Variants in LILRA2 observed in about 807,000 individuals in gnomAD.
The protein encoded by LILRA2 is leukocyte immunoglobulin-like receptor subfamily A member 2.
A neutral mutation model predicts 47.9 loss-of-function variants in LILRA2; 45 were observed. That is an observed-to-expected ratio of 0.94 (90% CI 0.74 to 1.20). The LOEUF is 1.20. Ranked by LOEUF, LILRA2 falls within the 50% of genes most tolerant of loss-of-function variation. LILRA2 has a pLI of 0.00. For synonymous variants in LILRA2, 279 were observed against 249.2 expected (o/e 1.12, Z -1.13); for missense variants, 651 against 598.2 (o/e 1.09, Z -0.92).
At chr19:54,579,240 A>G (rs1281138839) in intron 6 of LILRA2, among the ~76,000 whole-genome samples, 3 of 152,148 alleles carry the variant, frequency 2.0e-5, no homozygotes. Flanking sequence ...TTATGGTGTT[A>G]GGTCTTACAT....
Position 54,589,049 on chromosome 19 carries a change from G to T in LILRA2, c.*1703G>T, listed in dbSNP as rs1276266553. On this transcript the variant is annotated 3_prime_UTR_variant, in exon 8 of 8. Transcript: ENST00000391738. The stretch of plus-strand genomic sequence containing the variant: ...TTGGGGCAGCATCCCACCAGTTTCT[G>T]CCTCCATCTTCTCAATGCTTACACC... 4 of 152,078 alleles carry T rather than the reference G, an allele frequency of 2.6e-5. No individual in the cohort carries two copies. Among genetic ancestry groups the T allele is most frequent in the African/African-American group, 9.7e-5 (4 of 41,366 alleles). 9.4% of individuals were successfully genotyped at this position (152,078 alleles called of 1,614,324 possible). A position where few individuals can be genotyped will look rare whatever the true frequency, so the allele number is the denominator to read the frequency against.
chr19:54,575,911 T>C lies in LILRA2; in HGVS notation c.1057T>C (p.Phe353Leu), dbSNP rs1024233838. The change falls in exon 6 of 8, where the codon TTC becomes CTC. Residue 353 changes from phenylalanine to leucine, a missense_variant. By Grantham distance (22) the Phe-to-Leu change is conservative (BLOSUM62 0). Coordinates refer to ENST00000391738, the MANE Select transcript of LILRA2 (RefSeq NM_001130917.3). ...TCAGTCACGGGGGCAGTTCCACACTTTCCTTCTGACCAAGGAGGGGGCAGG... is the reference window on the plus strand; with the variant it reads ...TCAGTCACGGGGGCAGTTCCACACTCTCCTTCTGACCAAGGAGGGGGCAGG... ...LCQSRGQFHTFLLTKEGAGHP... is the reference protein window; with the variant it reads ...LCQSRGQFHTLLLTKEGAGHP... 3.1e-6 allele frequency: 5 copies of C among 1,613,734 alleles called. No homozygotes were observed. The highest frequency in any genetic ancestry group is 4.2e-6 in the Non-Finnish European group (5 of 1,179,864).
chr19:54,574,101 C>G lies in LILRA2; in HGVS notation c.60C>G (p.His20Gln), dbSNP rs146810027. The change falls in exon 2 of 8, where the codon CAC (histidine) becomes CAG (glutamine). Residue 20 changes from histidine to glutamine, a missense_variant. His to Gln is a conservative substitution (Grantham distance 24). Coordinates refer to ENST00000391738, the MANE Select transcript of LILRA2 (RefSeq NM_001130917.3). Reference sequence around the variant, plus strand: ...GGCTGAGTCTGGGCCCCAGGACCCACGTGCAGGCAGGTGAGTCTGTTCCCA... The same window carrying G: ...GGCTGAGTCTGGGCCCCAGGACCCAGGTGCAGGCAGGTGAGTCTGTTCCCA... ...CLGLSLGPRT[H>Q]VQAGHLPKPT... 1.9e-6 allele frequency: 3 copies of G among 1,614,220 alleles called. No homozygotes were observed. The highest frequency in any genetic ancestry group is 1.7e-5 in the Admixed American group (1 of 60,018).
chr19:54,575,437 C>T lies in LILRA2; in HGVS notation c.837C>T (p.Asn279=), dbSNP rs780841919. The change falls in exon 5 of 8, where the codon AAC becomes AAT. Residue 279 remains asparagine, a synonymous_variant. Coordinates refer to ENST00000391738, the MANE Select transcript of LILRA2 (RefSeq NM_001130917.3). The part of the protein sequence containing the change: ...WQPQAGLSQA[N]FTLGPVSPSH... ...CCCAGGCTGGGCTCTCCCAGGCCAA[C>T]TTCACCCTGGGCCCTGTGAGCCCCT... is the stretch of plus-strand genomic sequence containing the variant. The T allele has an allele frequency of 7.7e-5, 125 of 1,613,902 alleles. No homozygotes were observed. The highest frequency in any genetic ancestry group is 1.0e-4 in the Non-Finnish European group (119 of 1,179,984).
chr19:54,583,170 A>G (rs1209407123), intron 6 of LILRA2, among the ~76,000 whole-genome samples: 1 of 152,150 alleles, frequency 6.6e-6, no homozygotes, highest in Admixed American at 6.5e-5. Context: ...GTTCTTTTAC[A>G]TTTGCTGAGG....
At chr19:54,581,506 T>G (rs1226261178) in intron 6 of LILRA2, among the ~76,000 whole-genome samples, 4 of 133,658 alleles carry the variant, frequency 3.0e-5, no homozygotes, top group African/African-American at 1.2e-4. Context: ...AAAGATCAGA[T>G]AGTTGTAGAT....
chr19:54,577,426 T>A, intron 6 of LILRA2: 13 of 1,246,650 alleles, frequency 1.0e-5, no homozygotes, highest in Non-Finnish European at 1.3e-5. Context: ...AGAGGACAGA[T>A]GGACAGTGTA....
intron 3 of LILRA2, 54 bp downstream of exon 3, chr19:54,574,636 C>T (rs2062309210): frequency 6.2e-6 from 10 of 1,604,316 alleles, no homozygotes; most frequent in African/African-American, 1.3e-5. Context: ...GGAAGGGGGT[C>T]GGCTCTCAGG....
intron 6 of LILRA2, among the ~76,000 whole-genome samples, chr19:54,578,733 C>A (rs552743126): frequency 6.6e-6 from 1 of 152,290 alleles, no homozygotes; most frequent in African/African-American, 2.4e-5. Flanking sequence ...ATTTACACTC[C>A]CACCAACAGT....
At chr19:54,587,113 G>T in intron 7 of LILRA2, 53 bp downstream of exon 7, 1 of 1,611,098 alleles carries the variant, frequency 6.2e-7, no homozygotes. Context: ...GTCAGGTCCT[G>T]TAAAGGGGAG....
upstream of LILRA2, chr19:54,573,609 A>G: frequency 1.3e-6 from 1 of 797,488 alleles, no homozygotes; most frequent in Admixed American, 2.5e-5. Context: ...AGATGAGGAT[A>G]AACCAGACAG....
intron 6 of LILRA2, among the ~76,000 whole-genome samples, chr19:54,582,566 G>A (rs1464068463): frequency 5.3e-5 from 8 of 152,140 alleles, no homozygotes; most frequent in Non-Finnish European, 8.8e-5. Context: ...TTTGTGTAGA[G>A]GTGTTTACAG....
At position 54,590,186 on chromosome 19, in the gene LILRA2, TCTCA is replaced by T. The variant is rs747834936; in HGVS notation, c.*2844_*2847del. 11 of 149,946 alleles carry T rather than the reference TCTCA, an allele frequency of 7.3e-5. No homozygotes were observed. Among genetic ancestry groups the T allele is most frequent in the Non-Finnish European group, 1.5e-4 (10 of 68,030 alleles). The allele number at this position is 149,946 out of a possible 1,614,324, so 9.3% of individuals were successfully genotyped here. A position where few individuals can be genotyped will look rare whatever the true frequency, so the allele number is the denominator to read the frequency against. Reference sequence around the variant, plus strand: ...ACATAGAGATATATCTGTTTCCTCTTCTCACTCTATTCTTTGTGTGCATTAATTA... The same window carrying T: ...ACATAGAGATATATCTGTTTCCTCTTCTCTATTCTTTGTGTGCATTAATTA... On this transcript the variant is annotated 3_prime_UTR_variant, in exon 8 of 8. Coordinates refer to ENST00000391738, the MANE Select transcript of LILRA2 (RefSeq NM_001130917.3).
intron 6 of LILRA2, among the ~76,000 whole-genome samples, chr19:54,582,409 T>A (rs754981166): frequency 2.1e-4 from 32 of 151,904 alleles, no homozygotes; most frequent in Non-Finnish European, 3.7e-4. Flanking sequence ...TGGTCCTGGA[T>A]TTTTTTTGGT....
At chr19:54,584,034 T>C (rs1433889241) in intron 6 of LILRA2, among the ~76,000 whole-genome samples, 2 of 152,214 alleles carry the variant, frequency 1.3e-5, no homozygotes, top group African/African-American at 4.8e-5. Flanking sequence ...CTGATGAAGC[T>C]TAGTTTGGCT....
chr19:54,577,234 C>T (rs2062489943), intron 6 of LILRA2, among the ~76,000 whole-genome samples: 1 of 151,492 alleles, frequency 6.6e-6, no homozygotes, highest in African/African-American at 2.4e-5. Context: ...CAATTTTCTA[C>T]CAAAATCAAT....
chr19:54,577,832 A>G (rs1380972021), intron 6 of LILRA2: 2 of 608,942 alleles, frequency 3.3e-6, no homozygotes, highest in Non-Finnish European at 4.4e-6. Flanking sequence ...CAGTATTTGA[A>G]TATATGAATT....
chr19:54,588,268 C>A lies in LILRA2; in HGVS notation c.*922C>A, dbSNP rs1443960828. 2.0e-5 allele frequency: 3 copies of A among 152,168 alleles called. No individual in the cohort carries two copies. The highest frequency in any genetic ancestry group is 4.4e-5 in the Non-Finnish European group (3 of 68,032). The allele number at this position is 152,168 out of a possible 1,614,324, so 9.4% of individuals were successfully genotyped here. ...TCCTAGCATATCCACAAAAGACAAA[C>A]CTATTAATATCTGATGTGGGAGATA... is the stretch of plus-strand genomic sequence containing the variant. On this transcript the variant is annotated 3_prime_UTR_variant, in exon 8 of 8. Transcript: ENST00000391738.
intron 6 of LILRA2, among the ~76,000 whole-genome samples, chr19:54,576,389 C>A (rs888832246): frequency 6.6e-6 from 1 of 152,176 alleles, no homozygotes. Context: ...AGACGGAGAC[C>A]CCACCCGCTC....
Sources: allele counts gnomAD v4.1 joint callset (sites outside exome capture counted in the v4.1 genomes callset), GRCh38; gene constraint gnomAD v4.1.1; transcripts MANE v1.5; gene names NCBI Gene and HGNC (gene_info 2026-07-23, HGNC 2026-07-21).